The following PPL variants were observed in gnomAD, a reference collection of about 807,000 sequenced individuals.
PPL encodes the protein 190 kDa paraneoplastic pemphigus antigen.
PPL carries 198 observed loss-of-function variants against 194.4 expected under a neutral mutation model. That is an observed-to-expected ratio of 1.02 (90% CI 0.91 to 1.15). PPL has a LOEUF of 1.15. Ranked by LOEUF, PPL falls within the 50% of genes most tolerant of loss-of-function variation. The pLI is 0.00. For missense variants in PPL, 2,885 were observed against 2,294.8 expected (o/e 1.26, Z -5.25); for synonymous variants, 1,220 against 972.4 (o/e 1.25, Z -4.74).
rs1322811793 is a variant in PPL, at chr16:4,890,798, C to T, written c.2092G>A (p.Glu698Lys). The T allele has an allele frequency of 6.2e-7, 1 of 1,604,230 alleles. No individual in the cohort carries two copies. Among genetic ancestry groups the T allele is most frequent in the Non-Finnish European group, 8.5e-7 (1 of 1,175,860 alleles). Residue 698 changes from glutamate to lysine, a missense_variant, in exon 17 of 22, where the codon GAG becomes AAG. Coordinates refer to ENST00000345988, the MANE Select transcript of PPL (RefSeq NM_002705.5). Reference protein sequence around the residue: ...SRFQEHCPDLERQEAEVHKLG... With the variant: ...SRFQEHCPDLKRQEAEVHKLG... The stretch of plus-strand genomic sequence containing the variant: ...TTGTGCACCTCGGCCTCCTGGCGCT[C>T]CAGGTCCGGACAGTGCTCCTGGAAG...
At position 4,883,598 on chromosome 16, in the gene PPL, A is replaced by C. The variant is rs561310174; in HGVS notation, c.5057T>G (p.Val1686Gly). 16 of 1,614,064 alleles carry C rather than the reference A, an allele frequency of 9.9e-6. No individual in the cohort carries two copies. In the African/African-American group the frequency reaches 2.1e-4, roughly 22 times the overall value. ...RAGLIDWNMFVKLRSQECDWE... is the reference protein window; with the variant it reads ...RAGLIDWNMFGKLRSQECDWE... The stretch of plus-strand genomic sequence containing the variant: ...GTCGCACTCCTGGCTTCTGAGTTTC[A>C]CGAACATGTTCCAGTCAATGAGCCC... The change falls in exon 22 of 22, where the codon GTG (valine) becomes GGG (glycine). Residue 1686 changes from valine to glycine, a missense_variant. Physicochemically the swap from Val to Gly is moderately radical, Grantham distance 109 (BLOSUM62 -3). Coordinates refer to ENST00000345988, the MANE Select transcript of PPL (RefSeq NM_002705.5). The surrounding 1 kb of genome is among the most constrained non-coding windows in gnomAD (Gnocchi z 4.8).
chr16:4,896,560 G>C (rs2088432884), intron 9 of PPL, among the ~76,000 whole-genome samples: 1 of 151,948 alleles, frequency 6.6e-6, no homozygotes, highest in Non-Finnish European at 1.5e-5. Flanking sequence ...CAAGTCCATA[G>C]AGACAGCAAG....
chr16:4,887,253 G>C, intron 20 of PPL, 26 bp from the exon 21 acceptor site: 1 of 1,567,078 alleles, frequency 6.4e-7, no homozygotes, highest in South Asian at 1.1e-5. Context: ...TTAGGAGAGC[G>C]GTCAACAAAC....
chr16:4,886,150 C>T, intron 21 of PPL, 103 bp from the exon 22 acceptor site: 1 of 1,399,178 alleles, frequency 7.1e-7, no homozygotes, highest in Non-Finnish European at 9.8e-7. Flanking sequence ...CCCCAAGGGA[C>T]TCCCTCAGTG....
At chr16:4,933,793 A>C (rs2451) in intron 1 of PPL, among the ~76,000 whole-genome samples, 136,557 of 152,244 alleles carry the variant, frequency 0.9, 61,550 homozygotes, top group Middle Eastern at 0.95. Context: ...ACGTGCTAAA[A>C]CCCAGCAACA....
chr16:4,887,358 C>A, intron 20 of PPL, 131 bp from the exon 21 acceptor site: 1 of 695,158 alleles, frequency 1.4e-6, no homozygotes, highest in South Asian at 1.5e-5. Context: ...CTCTTGCCCA[C>A]TCCTGCCTGG....
intron 1 of PPL, among the ~76,000 whole-genome samples, chr16:4,921,731 T>G (rs1220672221): frequency 6.6e-6 from 1 of 152,130 alleles, no homozygotes; most frequent in Non-Finnish European, 1.5e-5. Flanking sequence ...CCTCCCAAAA[T>G]GCTGGGATTA....
chr16:4,932,227 A>G (rs2089233661), intron 1 of PPL, among the ~76,000 whole-genome samples: 1 of 151,928 alleles, frequency 6.6e-6, no homozygotes, highest in Non-Finnish European at 1.5e-5. Flanking sequence ...TGTAACATCC[A>G]TGGCCTTGCT....
intron 1 of PPL, among the ~76,000 whole-genome samples, chr16:4,927,797 C>T (rs190492769): frequency 5.9e-5 from 9 of 152,320 alleles, no homozygotes; most frequent in Admixed American, 5.9e-4. Context: ...GCCTCCAGGC[C>T]TCTGATGGGG....
chr16:4,914,347 T>G (rs954839304), intron 1 of PPL, among the ~76,000 whole-genome samples: 4 of 152,160 alleles, frequency 2.6e-5, no homozygotes, highest in African/African-American at 9.7e-5. Context: ...GTATTATTAT[T>G]ACTATTTTTG....
rs1198108752 is a variant in PPL, at chr16:4,890,958, C to T, written c.1969-37G>A. On this transcript the variant is annotated intron_variant, in intron 16 of 21. Transcript: ENST00000345988. ...GAGGAGGAGACGGCGGTGCTACGGC[C>T]AGAGCTCCCAGAGCCAGGCGATGAC... 6 of 1,467,506 alleles carry T rather than the reference C, an allele frequency of 4.1e-6. No homozygotes were observed. In the East Asian group the frequency reaches 1.3e-4, roughly 31 times the overall value. 90.9% of individuals were successfully genotyped at this position (1,467,506 alleles called of 1,614,324 possible). A position where few individuals can be genotyped will look rare whatever the true frequency, so the allele number is the denominator to read the frequency against.
intron 2 of PPL, 35 bp from the exon 3 acceptor site, chr16:4,904,075 G>A (rs762255227): frequency 2.5e-6 from 4 of 1,595,242 alleles, no homozygotes; most frequent in Admixed American, 1.7e-5. Context: ...CAATGAACAG[G>A]AGCCGAGAGC....
chr16:4,900,642 T>A (rs1379925204), intron 6 of PPL, among the ~76,000 whole-genome samples, 188 bp downstream of exon 6: 1 of 151,966 alleles, frequency 6.6e-6, no homozygotes, highest in Non-Finnish European at 1.5e-5. Context: ...CTCACTATGT[T>A]GCCCAGGTTG....
chr16:4,907,905 C>T (rs1489932594), intron 2 of PPL, among the ~76,000 whole-genome samples: 1 of 152,038 alleles, frequency 6.6e-6, no homozygotes, highest in Non-Finnish European at 1.5e-5. Context: ...CCTGTAATCC[C>T]AGCACTTTGG....
At position 4,883,401 on chromosome 16, in the gene PPL, C is replaced by A. The variant is rs554457564; in HGVS notation, c.5254G>T (p.Val1752Leu). 1.2e-6 allele frequency: 2 copies of A among 1,614,120 alleles called. No individual in the cohort carries two copies. The highest frequency in any genetic ancestry group is 1.3e-5 in the African/African-American group (1 of 75,050). The change falls in exon 22 of 22, where the codon GTA (valine) becomes TTA (leucine). Residue 1752 changes from valine to leucine, a missense_variant. Transcript: ENST00000345988. This position sits in a 1 kb window ranked among gnomAD's most constrained non-coding sequence, Gnocchi z 4.8. ...AGCTGTGCCTACTTCTGCCCAGATA[C>A]CAAGACCGCCAGCTCCTGGATGGAC... is the stretch of plus-strand genomic sequence containing the variant. Reference protein sequence around the residue: ...DMSIQELAVLVSGQK With the variant: ...DMSIQELAVLLSGQK
At chr16:4,888,007 A>G in intron 20 of PPL, 95 bp downstream of exon 20, 1 of 858,994 alleles carries the variant, frequency 1.2e-6, no homozygotes, top group Non-Finnish European at 1.9e-6. Flanking sequence ...TTGTGTGTGC[A>G]TCTCTGAGGC....
At chr16:4,895,448 C>T in intron 10 of PPL, 41 bp from the exon 11 acceptor site, 1 of 1,607,716 alleles carries the variant, frequency 6.2e-7, no homozygotes, top group Non-Finnish European at 8.5e-7. Context: ...AGACCAACAG[C>T]CTTCCCCCTG....
chr16:4,934,153 C>G (rs796976949), intron 1 of PPL, among the ~76,000 whole-genome samples: 2 of 152,300 alleles, frequency 1.3e-5, no homozygotes, highest in African/African-American at 4.8e-5. Flanking sequence ...ACCATCTGGC[C>G]TGACTCTGTC....
intron 1 of PPL, among the ~76,000 whole-genome samples, chr16:4,931,323 C>T (rs2089222641): frequency 6.6e-6 from 1 of 152,110 alleles, no homozygotes; most frequent in African/African-American, 2.4e-5. Context: ...ATGATCGCAC[C>T]ACTGCACTCC....
Sources: allele counts gnomAD v4.1 joint callset (sites outside exome capture counted in the v4.1 genomes callset), GRCh38; gene constraint gnomAD v4.1.1; non-coding constraint Gnocchi (gnomAD v3.1); transcripts MANE v1.5; gene names NCBI Gene and HGNC (gene_info 2026-07-23, HGNC 2026-07-21).